Variants in PRTG observed in about 807,000 individuals in gnomAD.
PRTG encodes the protein protogenin, also known as immunoglobulin superfamily, DCC subclass, member 5.
Under a neutral mutation model 122.5 loss-of-function variants are expected in PRTG, and 67 were observed. The observed-to-expected ratio is 0.55, with a 90% CI of 0.45 to 0.67. The LOEUF (loss-of-function observed/expected upper bound fraction) is 0.67. PRTG is among the 30% of genes least tolerant of loss of function. The probability of loss-of-function intolerance (pLI) is 0.00; values close to 1 mark genes in which losing one functional copy is unlikely to be tolerated. For synonymous variants in PRTG, 554 were observed against 501.1 expected (o/e 1.11, Z -1.41); for missense variants, 1,435 against 1,415.4 (o/e 1.01, Z -0.22).
At chr15:55,623,365 C>T (rs192220203) in intron 18 of PRTG, among the ~76,000 whole-genome samples, 1 of 152,042 alleles carries the variant, frequency 6.6e-6, no homozygotes, top group Admixed American at 6.5e-5. Flanking sequence ...GTCAGTAGTT[C>T]GAGACCAGCC....
intron 2 of PRTG, among the ~76,000 whole-genome samples, chr15:55,693,326 C>A (rs2059614976): frequency 1.3e-5 from 2 of 152,088 alleles, no homozygotes; most frequent in Admixed American, 1.3e-4. Context: ...CGTGGCGGCG[C>A]ATGCCTGCAA....
intron 3 of PRTG, among the ~76,000 whole-genome samples, chr15:55,683,045 G>A (rs2059549719): frequency 6.6e-6 from 1 of 152,142 alleles, no homozygotes. Context: ...CAATCTATCA[G>A]TCGAATTTTA....
chr15:55,675,445 A>C, intron 9 of PRTG, 74 bp downstream of exon 9: 1 of 1,092,838 alleles, frequency 9.2e-7, no homozygotes, highest in Non-Finnish European at 1.3e-6. Context: ...TTTCTTTAAA[A>C]CACATTTATT....
intron 1 of PRTG, among the ~76,000 whole-genome samples, chr15:55,741,112 C>T (rs891653240): frequency 6.6e-6 from 1 of 152,202 alleles, no homozygotes; most frequent in African/African-American, 2.4e-5. Context: ...AGTTTATTTC[C>T]TTGTCCCTTG....
intron 2 of PRTG, among the ~76,000 whole-genome samples, chr15:55,721,368 C>T (rs534631845): frequency 6.6e-6 from 1 of 152,264 alleles, no homozygotes; most frequent in African/African-American, 2.4e-5. Flanking sequence ...TAATCACTTG[C>T]AAGTTAAATT....
chr15:55,639,553 A>G (rs1482241278), intron 13 of PRTG, 89 bp downstream of exon 13: 1 of 1,171,140 alleles, frequency 8.5e-7, no homozygotes, highest in Non-Finnish European at 1.2e-6. Context: ...GTGAAGCCCG[A>G]GCTGGGCCCA....
At chr15:55,635,254 C>T (rs1359964131) in intron 15 of PRTG, among the ~76,000 whole-genome samples, 1 of 152,080 alleles carries the variant, frequency 6.6e-6, no homozygotes, top group African/African-American at 2.4e-5. Flanking sequence ...ACCATGCCTG[C>T]CTAATTTTTG....
chr15:55,619,894 C>G lies in PRTG; in HGVS notation c.*118G>C, dbSNP rs913505373. ...GAAAATCATTTTTATCAAAGCATAG[C>G]ATGGCAGATGGCGGCTGCAGAACTA... On this transcript the variant is annotated 3_prime_UTR_variant, in exon 20 of 20. Coordinates refer to ENST00000389286, the MANE Select transcript of PRTG (RefSeq NM_173814.6). 1.0e-5 allele frequency: 15 copies of G among 1,502,920 alleles called. No individual in the cohort carries two copies. In the African/African-American group the frequency reaches 2.1e-4, roughly 21 times the overall value. The allele number at this position is 1,502,920 out of a possible 1,614,324, so 93.1% of individuals were successfully genotyped here.
At chr15:55,725,945 GT>G (rs1378346522) in intron 2 of PRTG, among the ~76,000 whole-genome samples, 1 of 151,578 alleles carries the variant, frequency 6.6e-6, no homozygotes, top group Non-Finnish European at 1.5e-5. Context: ...CTAATTTTAG[GT>G]TTTTTGTTTT....
intron 13 of PRTG, among the ~76,000 whole-genome samples, chr15:55,639,150 A>T (rs1399932675): frequency 6.6e-6 from 1 of 152,120 alleles, no homozygotes; most frequent in African/African-American, 2.4e-5. Flanking sequence ...ATAAAAAAAT[A>T]TTTTTGGAGA....
intron 11 of PRTG, 28 bp downstream of exon 11, chr15:55,672,417 G>T: frequency 6.4e-7 from 1 of 1,560,918 alleles, no homozygotes; most frequent in Non-Finnish European, 8.7e-7. Flanking sequence ...GAAGGAAAAA[G>T]GGAAAAATAC....
chr15:55,638,606 C>G lies in PRTG; in HGVS notation c.2395G>C (p.Val799Leu). Reference protein sequence around the residue: ...TKYEFAVRLHVDQLSSPWSPV... With the variant: ...TKYEFAVRLHLDQLSSPWSPV... ...CTCCAAGGACTGGAAAGCTGATCCACATGTAATCGAACGGCAAATTCGTAT... is the reference window on the plus strand; with the variant it reads ...CTCCAAGGACTGGAAAGCTGATCCAGATGTAATCGAACGGCAAATTCGTAT... The change falls in exon 14 of 20, where the codon GTG becomes CTG. Residue 799 changes from valine to leucine, a missense_variant. Coordinates refer to ENST00000389286, the MANE Select transcript of PRTG (RefSeq NM_173814.6). The G allele has an allele frequency of 6.2e-7, 1 of 1,613,488 alleles. No homozygotes were observed. The highest frequency in any genetic ancestry group is 8.5e-7 in the Non-Finnish European group (1 of 1,179,570).
At chr15:55,681,408 CT>C (rs1233487956) in intron 4 of PRTG, 1 of 152,006 alleles carries the variant, frequency 6.6e-6, no homozygotes, top group Non-Finnish European at 1.5e-5. Flanking sequence ...TTTTCTTCTA[CT>C]ACATTTAAAC....
At chr15:55,695,845 C>T (rs544879490) in intron 2 of PRTG, among the ~76,000 whole-genome samples, 1 of 152,178 alleles carries the variant, frequency 6.6e-6, no homozygotes. Context: ...GTGGTTCATA[C>T]CTGTAGTCTC....
Position 55,620,048 on chromosome 15 carries a change from C to G in PRTG, c.3417G>C (p.Leu1139=), listed in dbSNP as rs532835545. 1.1e-5 allele frequency: 17 copies of G among 1,614,152 alleles called. No individual in the cohort carries two copies. In the East Asian group the frequency reaches 3.8e-4, roughly 36 times the overall value. ...FSHESNDEIH[L]SSVISTTPPN... Reference sequence around the variant, plus strand: ...GGGGTGTGGTACTTATAACTGAGGACAGATGTATCTCATCGTTGGACTCAT... The same window carrying G: ...GGGGTGTGGTACTTATAACTGAGGAGAGATGTATCTCATCGTTGGACTCAT... Residue 1139 remains leucine (L), a synonymous_variant, in exon 20 of 20, where the codon CTG becomes CTC. Coordinates refer to ENST00000389286, the MANE Select transcript of PRTG (RefSeq NM_173814.6).
intron 11 of PRTG, chr15:55,655,324 T>C (rs1330813242): frequency 6.6e-6 from 1 of 152,230 alleles, no homozygotes; most frequent in African/African-American, 2.4e-5. Context: ...CTGAAAGGTA[T>C]TCAACATATC....
Position 55,718,236 on chromosome 15 carries a change from T to C in PRTG, c.397+22146A>G, listed in dbSNP as rs1380575197. On this transcript the variant is annotated intron_variant, in intron 2 of 19. Transcript: ENST00000389286. ...AATAGCCAGAAAACGGCACTTTCAA[T>C]TTTTCCATCCTACAAGATCTAAATA... Among the ~76,000 whole-genome samples the C allele has an allele frequency of 3.9e-5, 6 of 152,276 alleles. No individual in the cohort carries two copies. The East Asian group carries it at 9.6e-4, about 24-fold the overall frequency.
chr15:55,718,762 A>T (rs2030700233), intron 2 of PRTG, among the ~76,000 whole-genome samples: 1 of 150,832 alleles, frequency 6.6e-6, no homozygotes, highest in South Asian at 2.1e-4. Flanking sequence ...TTTTTTTTGG[A>T]GACAGAGTCT....
At chr15:55,652,344 T>A (rs966727425) in intron 11 of PRTG, among the ~76,000 whole-genome samples, 1 of 152,056 alleles carries the variant, frequency 6.6e-6, no homozygotes, top group South Asian at 2.1e-4. Context: ...TCAGAATAAG[T>A]AAGAAAGGTG....
Sources: gnomAD v4.1 joint callset for allele counts (sites outside exome capture counted in the v4.1 genomes callset) on GRCh38, gnomAD v4.1.1 for gene constraint, MANE v1.5 for transcripts, NCBI Gene and HGNC (gene_info 2026-07-23, HGNC 2026-07-21) for gene names.